Variants in KCNMB2 observed in about 807,000 individuals in gnomAD.
The protein encoded by KCNMB2 is calcium-activated potassium channel subunit beta-2.
Under a neutral mutation model 24.5 loss-of-function variants are expected in KCNMB2, and 9 were observed. The ratio of observed to expected loss-of-function variants is 0.37; its 90% CI spans 0.22 to 0.64. KCNMB2 has a LOEUF of 0.64. Ranked by LOEUF, KCNMB2 falls within the 30% of genes least tolerant of loss-of-function variation. KCNMB2 has a pLI of 0.63. For missense variants in KCNMB2, 226 were observed against 284.3 expected (o/e 0.79, Z 1.47); for synonymous variants, 109 against 104.4 (o/e 1.04, Z -0.27).
At chr3:178,609,891 G>A (rs1467900094) in intron 1 of KCNMB2, among the ~76,000 whole-genome samples, 1 of 152,042 alleles carries the variant, frequency 6.6e-6, no homozygotes, top group Non-Finnish European at 1.5e-5. Context: ...ACATACCTTG[G>A]CCTCCCAAAG....
chr3:178,536,777 T>A (rs895395053), intron 1 of KCNMB2, 66 bp downstream of exon 1: 1 of 152,492 alleles, frequency 6.6e-6, no homozygotes, highest in Non-Finnish European at 1.5e-5. Context: ...TTCTGTGGCG[T>A]GAGGATCGTG....
At chr3:178,601,136 T>A (rs1450726908) in intron 1 of KCNMB2, among the ~76,000 whole-genome samples, 1 of 145,944 alleles carries the variant, frequency 6.9e-6, no homozygotes, top group Admixed American at 7.0e-5. Flanking sequence ...AATGTGGGAG[T>A]TGAACAATGA....
At chr3:178,627,921 C>T (rs1719177473) in intron 1 of KCNMB2, among the ~76,000 whole-genome samples, 1 of 152,108 alleles carries the variant, frequency 6.6e-6, no homozygotes, top group African/African-American at 2.4e-5. Context: ...GACTTGAACA[C>T]CCAGAAAATG....
intron 1 of KCNMB2, among the ~76,000 whole-genome samples, chr3:178,551,210 C>T (rs1715941639): frequency 6.6e-6 from 1 of 152,150 alleles, no homozygotes; most frequent in Non-Finnish European, 1.5e-5. Flanking sequence ...CAGAGGCTGG[C>T]TGTGAGGGCT....
intron 1 of KCNMB2, among the ~76,000 whole-genome samples, chr3:178,580,633 A>C (rs1049642429): frequency 6.6e-6 from 1 of 152,250 alleles, no homozygotes; most frequent in Non-Finnish European, 1.5e-5. Context: ...ATCTCAGCCC[A>C]AAATCTGCTT....
rs146653250 is a variant in KCNMB2, at chr3:178,638,587, T to A, written c.-68+101876T>A. ...TTATGGCACTTCTCACTTTTTATGA[T>A]AAAATACTCACTAAAAGACACTCTT... On this transcript the variant is annotated intron_variant, in intron 1 of 4. Coordinates refer to ENST00000452583, the MANE Select transcript of KCNMB2 (RefSeq NM_181361.3). Among the ~76,000 whole-genome samples the A allele has an allele frequency of 8.9e-3, 1,354 of 152,330 alleles. 18 individuals carry two copies. The highest frequency in any genetic ancestry group is 0.031 in the African/African-American group (1,300 of 41,584).
intron 1 of KCNMB2, among the ~76,000 whole-genome samples, chr3:178,678,650 T>C (rs1721155620): frequency 6.6e-6 from 1 of 152,204 alleles, no homozygotes; most frequent in Admixed American, 6.5e-5. Context: ...AAAACTCAGA[T>C]GACTTCACCT....
At chr3:178,547,622 G>A (rs1331419423) in intron 1 of KCNMB2, among the ~76,000 whole-genome samples, 1 of 152,078 alleles carries the variant, frequency 6.6e-6, no homozygotes, top group Non-Finnish European at 1.5e-5. Flanking sequence ...CTTGAATTAT[G>A]TTTAACTATT....
intron 1 of KCNMB2, among the ~76,000 whole-genome samples, chr3:178,710,015 G>T (rs1722399034): frequency 6.6e-6 from 1 of 152,088 alleles, no homozygotes; most frequent in Non-Finnish European, 1.5e-5. Context: ...CTAAGCTCTG[G>T]AAATGCACAT....
intron 1 of KCNMB2, among the ~76,000 whole-genome samples, chr3:178,549,308 TC>T (rs1715868324): frequency 2.0e-5 from 3 of 148,500 alleles, no homozygotes; most frequent in Non-Finnish European, 3.0e-5. Context: ...TCTTTTATTT[TC>T]TTTTTTTTTT....
chr3:178,560,158 T>G (rs894975907), intron 1 of KCNMB2, among the ~76,000 whole-genome samples: 1 of 151,128 alleles, frequency 6.6e-6, no homozygotes, highest in Admixed American at 6.6e-5. Flanking sequence ...AATTAGTCAG[T>G]TCATTTGATT....
At chr3:178,552,506 A>C (rs145676515) in intron 1 of KCNMB2, among the ~76,000 whole-genome samples, 2 of 152,214 alleles carry the variant, frequency 1.3e-5, no homozygotes, top group East Asian at 3.9e-4. Context: ...ACTGTATATC[A>C]ATGGTACTAT....
At chr3:178,781,759 C>A (rs566791720) in intron 1 of KCNMB2, among the ~76,000 whole-genome samples, 180 of 151,712 alleles carry the variant, frequency 1.2e-3, no homozygotes, top group Admixed American at 5.6e-3. Flanking sequence ...AGCCTATGCA[C>A]CTGACACTTT....
chr3:178,842,431 T>C (rs1482378664), intron 4 of KCNMB2, among the ~76,000 whole-genome samples: 2 of 152,180 alleles, frequency 1.3e-5, no homozygotes, highest in African/African-American at 4.8e-5. Flanking sequence ...ATAAATAATA[T>C]ATGGGTGAGC....
intron 1 of KCNMB2, among the ~76,000 whole-genome samples, chr3:178,611,409 CA>C (rs926268019): frequency 1.3e-5 from 2 of 151,496 alleles, no homozygotes; most frequent in African/African-American, 2.4e-5. Flanking sequence ...TTTAACTTTT[CA>C]AAAAAAACCC....
chr3:178,542,822 A>G (rs1715664009), intron 1 of KCNMB2, among the ~76,000 whole-genome samples: 1 of 152,222 alleles, frequency 6.6e-6, no homozygotes. Context: ...ATGGAGTATT[A>G]GAAAACCAGT....
chr3:178,821,221 T>C lies in KCNMB2; in HGVS notation c.57-4367T>C, dbSNP rs73882869. ...GAAAGAACCAAAGGGTGATAAGCTA[T>C]CAGCCTTGTTAATACTTACATGGTA... On this transcript the variant is annotated intron_variant, in intron 2 of 4. Coordinates refer to ENST00000452583, the MANE Select transcript of KCNMB2 (RefSeq NM_181361.3). Among the ~76,000 whole-genome samples the C allele has an allele frequency of 8.3e-3, 1,259 of 152,272 alleles. 15 individuals are homozygous for C. The highest frequency in any genetic ancestry group is 0.029 in the African/African-American group (1,189 of 41,540).
intron 1 of KCNMB2, among the ~76,000 whole-genome samples, chr3:178,722,768 T>C (rs1722850145): frequency 6.6e-6 from 1 of 152,094 alleles, no homozygotes; most frequent in Non-Finnish European, 1.5e-5. Flanking sequence ...TGATGCATGC[T>C]TGTGGTCCCA....
At chr3:178,681,717 T>C (rs1379210335) in intron 1 of KCNMB2, among the ~76,000 whole-genome samples, 1 of 152,212 alleles carries the variant, frequency 6.6e-6, no homozygotes, top group Non-Finnish European at 1.5e-5. Context: ...TTGTTGCCAC[T>C]CAATGGATTC....
Sources: allele counts gnomAD v4.1 joint callset (sites outside exome capture counted in the v4.1 genomes callset), GRCh38; gene constraint gnomAD v4.1.1; transcripts MANE v1.5; gene names NCBI Gene and HGNC (gene_info 2026-07-23, HGNC 2026-07-21).